GPC6: variants seen among roughly 807,000 people sequenced by gnomAD.
The protein encoded by GPC6 is glypican-6.
GPC6 carries 14 observed loss-of-function variants against 55.2 expected under a neutral mutation model. The observed-to-expected ratio is 0.25, with a 90% CI of 0.17 to 0.40. The LOEUF (loss-of-function observed/expected upper bound fraction) is 0.40, where lower values mean the gene tolerates loss of function less well. GPC6 is among the 10% of genes least tolerant of loss of function. The pLI is 1.00. For synonymous variants in GPC6, 278 were observed against 259.6 expected (o/e 1.07, Z -0.68); for missense variants, 641 against 708.5 (o/e 0.90, Z 1.08).
At chr13:93,600,966 A>C (rs1361068472) in intron 2 of GPC6, among the ~76,000 whole-genome samples, 1 of 147,940 alleles carries the variant, frequency 6.8e-6, no homozygotes, top group Non-Finnish European at 1.5e-5. Flanking sequence ...AAAAAAAAAA[A>C]GAAAAAAAAA....
intron 1 of GPC6, among the ~76,000 whole-genome samples, chr13:93,454,490 G>T (rs1322069135): frequency 6.7e-6 from 1 of 149,744 alleles, no homozygotes; most frequent in African/African-American, 2.5e-5. Context: ...GTTCTCCAAG[G>T]CCCCACCAGA....
At chr13:93,992,343 T>C (rs1329242858) in intron 3 of GPC6, among the ~76,000 whole-genome samples, 5 of 152,146 alleles carry the variant, frequency 3.3e-5, no homozygotes, top group African/African-American at 1.2e-4. Context: ...TGAGAAAGAA[T>C]GTACCTTTTC....
chr13:93,847,871 C>G (rs1337442996), intron 3 of GPC6, among the ~76,000 whole-genome samples: 1 of 152,192 alleles, frequency 6.6e-6, no homozygotes, highest in African/African-American at 2.4e-5. Flanking sequence ...ATACACACAA[C>G]TTTCTCCTGG....
chr13:93,817,347 C>T (rs182627053), intron 2 of GPC6, among the ~76,000 whole-genome samples: 1 of 151,346 alleles, frequency 6.6e-6, no homozygotes, highest in Admixed American at 6.6e-5. Context: ...GTAGATTTAT[C>T]CTTCTTGTGA....
chr13:93,607,650 T>C (rs1484448060), intron 2 of GPC6, among the ~76,000 whole-genome samples: 1 of 152,178 alleles, frequency 6.6e-6, no homozygotes, highest in East Asian at 1.9e-4. Context: ...CCTGTTGCAG[T>C]AGGAAGACCC....
At chr13:94,376,686 T>C (rs1361003220) in intron 6 of GPC6, among the ~76,000 whole-genome samples, 5 of 152,026 alleles carry the variant, frequency 3.3e-5, no homozygotes, top group African/African-American at 1.2e-4. Context: ...CTTCACAGAA[T>C]TGGAAAAAAC....
At chr13:94,303,723 G>C (rs1439468482) in intron 5 of GPC6, among the ~76,000 whole-genome samples, 1 of 148,418 alleles carries the variant, frequency 6.7e-6, no homozygotes, top group Non-Finnish European at 1.5e-5. Flanking sequence ...AAGCTACTAG[G>C]CTATATTGAC....
intron 4 of GPC6, among the ~76,000 whole-genome samples, chr13:94,060,585 T>A (rs892164119): frequency 6.6e-6 from 1 of 152,202 alleles, no homozygotes; most frequent in Non-Finnish European, 1.5e-5. Context: ...TGTACTTTAG[T>A]AGTAGTTAGT....
chr13:93,772,755 A>G (rs909092839), intron 2 of GPC6, among the ~76,000 whole-genome samples: 7 of 152,102 alleles, frequency 4.6e-5, no homozygotes, highest in African/African-American at 1.7e-4. Context: ...TGCCAGACAC[A>G]TCCTTATCCT....
intron 1 of GPC6, among the ~76,000 whole-genome samples, chr13:93,356,473 CA>C (rs1387280802): frequency 6.6e-6 from 1 of 152,110 alleles, no homozygotes; most frequent in East Asian, 1.9e-4. Flanking sequence ...GTTTGATTAC[CA>C]AGGGCAAGGT....
intron 7 of GPC6, among the ~76,000 whole-genome samples, chr13:94,393,316 ACT>A (rs1880747242): frequency 6.6e-6 from 1 of 152,170 alleles, no homozygotes; most frequent in Admixed American, 6.5e-5. Context: ...TAAAATTCAC[ACT>A]GAGTGAGATA....
chr13:93,987,365 G>A (rs1321046936), intron 3 of GPC6, among the ~76,000 whole-genome samples: 1 of 152,032 alleles, frequency 6.6e-6, no homozygotes, highest in Non-Finnish European at 1.5e-5. Flanking sequence ...TTTACAGTAA[G>A]CCTCTTATGC....
chr13:94,407,750 C>A lies in GPC6; in HGVS notation c.*4533C>A, dbSNP rs981510415. Among the ~76,000 whole-genome samples the A allele has an allele frequency of 3.3e-4, 50 of 152,094 alleles. No individual in the cohort carries two copies. The highest frequency in any genetic ancestry group is 1.1e-3 in the African/African-American group (46 of 41,430). ...AAATGTGAAAAGACTAATAATTTCC[C>A]AATTTAGCCAATTGCATTGATTTTT... On this transcript the variant is annotated 3_prime_UTR_variant, in exon 9 of 9. Transcript: ENST00000377047.
At position 93,941,892 on chromosome 13, in the gene GPC6, C is replaced by T. The variant is rs150058044; in HGVS notation, c.712-85837C>T. On this transcript the variant is annotated intron_variant, in intron 3 of 8. Transcript: ENST00000377047. ...ATTTAAATTGGTCTTTTAAAATATA[C>T]GTAACTTTCCTATGGTGCAAAACGA... 3.9e-3 allele frequency among the ~76,000 whole-genome samples: 587 copies of T among 152,206 alleles called. 4 individuals carry two copies. Among genetic ancestry groups the T allele is most frequent in the African/African-American group, 0.014 (566 of 41,530 alleles).
chr13:93,884,671 T>C (rs531500325), intron 3 of GPC6, among the ~76,000 whole-genome samples: 5 of 152,106 alleles, frequency 3.3e-5, no homozygotes, highest in Non-Finnish European at 7.4e-5. Context: ...TACTGAAATA[T>C]CATTTACAAA....
At chr13:94,171,994 A>AT (rs200359371) in intron 4 of GPC6, among the ~76,000 whole-genome samples, 9 of 151,626 alleles carry the variant, frequency 5.9e-5, no homozygotes, top group Admixed American at 5.3e-4. Context: ...AGCATTTTCA[A>AT]TTTTTTTTTA....
chr13:93,487,183 A>C (rs1566381931), intron 1 of GPC6, among the ~76,000 whole-genome samples: 1 of 152,168 alleles, frequency 6.6e-6, no homozygotes, highest in Non-Finnish European at 1.5e-5. Context: ...ATGAGTATTG[A>C]AGGAGATCAT....
At chr13:94,190,244 C>T (rs1460241851) in intron 4 of GPC6, among the ~76,000 whole-genome samples, 2 of 151,296 alleles carry the variant, frequency 1.3e-5, no homozygotes, top group Non-Finnish European at 2.9e-5. Context: ...TGTTTGAACC[C>T]GGGAGGCGGA....
intron 2 of GPC6, among the ~76,000 whole-genome samples, chr13:93,592,330 G>A (rs1205962603): frequency 3.4e-5 from 5 of 148,970 alleles, no homozygotes; most frequent in East Asian, 1.9e-4. Flanking sequence ...GATTACAGGC[G>A]TGCGCCCCCA....
Sources: gnomAD v4.1 joint callset for allele counts (sites outside exome capture counted in the v4.1 genomes callset) on GRCh38, gnomAD v4.1.1 for gene constraint, MANE v1.5 for transcripts, NCBI Gene and HGNC (gene_info 2026-07-23, HGNC 2026-07-21) for gene names.